The following GAS7 variants were observed in gnomAD, a reference collection of about 807,000 sequenced individuals.
The protein encoded by GAS7 is growth arrest-specific protein 7.
GAS7 carries 28 observed loss-of-function variants against 71.1 expected under a neutral mutation model. The ratio of observed to expected loss-of-function variants is 0.39; its 90% CI spans 0.29 to 0.54. GAS7 has a LOEUF of 0.54. GAS7 is among the 20% of genes least tolerant of loss of function. The pLI is 0.62. For synonymous variants in GAS7, 258 were observed against 245.8 expected (o/e 1.05, Z -0.46); for missense variants, 436 against 627.8 (o/e 0.69, Z 3.27).
Position 9,916,996 on chromosome 17 carries a change from G to A in GAS7, c.*232C>T. On this transcript the variant is annotated 3_prime_UTR_variant, in exon 14 of 14. Transcript: ENST00000432992. ...GCGGCAAGCACAGCATGGGAGTCAGGGGGTCTTCAGCCTCAGAGACAAGGG... is the reference window on the plus strand; with the variant it reads ...GCGGCAAGCACAGCATGGGAGTCAGAGGGTCTTCAGCCTCAGAGACAAGGG... The A allele has an allele frequency of 3.5e-6, 2 of 571,300 alleles. No homozygotes were observed. 35.4% of individuals were successfully genotyped at this position (571,300 alleles called of 1,614,324 possible).
chr17:10,015,868 T>C (rs2071975570), intron 2 of GAS7, among the ~76,000 whole-genome samples: 1 of 152,130 alleles, frequency 6.6e-6, no homozygotes, highest in African/African-American at 2.4e-5. Context: ...CCAGGGTCTC[T>C]CTGTGACATG....
intron 1 of GAS7, among the ~76,000 whole-genome samples, chr17:10,101,596 T>C (rs911762352): frequency 2.0e-5 from 3 of 152,182 alleles, no homozygotes; most frequent in Non-Finnish European, 4.4e-5. Flanking sequence ...GGGCTTTTCA[T>C]TCATGAGGGC....
rs532559883 is a variant in GAS7 at position 10,097,887 on chromosome 17, T to A, written c.184-77990A>T. On this transcript the variant is annotated intron_variant, in intron 1 of 13. Transcript: ENST00000432992. Reference sequence around the variant, plus strand: ...AGCGAAACCCCGTCTCTACTAAAAATATAAAAATTAGCCACAGGTGGTGGC... The same window carrying A: ...AGCGAAACCCCGTCTCTACTAAAAAAATAAAAATTAGCCACAGGTGGTGGC... 2.2e-3 allele frequency among the ~76,000 whole-genome samples: 334 copies of A among 151,952 alleles called. 2 individuals carry two copies. Among genetic ancestry groups the A allele is most frequent in the Middle Eastern group, 3.4e-3 (1 of 294 alleles).
chr17:10,050,652 T>C (rs549448653), intron 1 of GAS7, among the ~76,000 whole-genome samples: 1 of 152,282 alleles, frequency 6.6e-6, no homozygotes, highest in Admixed American at 6.5e-5. Flanking sequence ...TCTCTTCTCC[T>C]GAAGCACAAG....
intron 1 of GAS7, among the ~76,000 whole-genome samples, chr17:10,148,314 C>A (rs1304369609): frequency 6.6e-6 from 1 of 152,002 alleles, no homozygotes; most frequent in Non-Finnish European, 1.5e-5. Flanking sequence ...GGTTAAGAAT[C>A]CTCTCTCAGT....
At chr17:9,954,794 G>A (rs1489509652) in intron 5 of GAS7, among the ~76,000 whole-genome samples, 1 of 152,138 alleles carries the variant, frequency 6.6e-6, no homozygotes, top group African/African-American at 2.4e-5. Flanking sequence ...GATCAATGGT[G>A]CTGAGGCTGA....
chr17:10,145,009 G>A (rs895215690), intron 1 of GAS7, among the ~76,000 whole-genome samples: 2 of 152,234 alleles, frequency 1.3e-5, no homozygotes, highest in Admixed American at 6.5e-5. Flanking sequence ...GAGGAAGGAC[G>A]GAACAATACA....
rs910047717 is a variant in GAS7, at chr17:9,926,165, C to CT, written c.1014+475dup. On this transcript the variant is annotated intron_variant, in intron 10 of 13. Transcript: ENST00000432992. The surrounding 1 kb of genome is among the most constrained non-coding windows in gnomAD (Gnocchi z 5.0). ...GGCACTGGGGACTGGGAATCAGTCC[C>CT]TGGGGCACACTCTCTTCCCTCTAAG... 2.0e-5 allele frequency among the ~76,000 whole-genome samples: 3 copies of CT among 152,058 alleles called. No individual in the cohort carries two copies. Among genetic ancestry groups the CT allele is most frequent in the Non-Finnish European group, 4.4e-5 (3 of 68,002 alleles).
At chr17:9,929,937 A>G (rs558849920) in intron 9 of GAS7, among the ~76,000 whole-genome samples, 1 of 152,236 alleles carries the variant, frequency 6.6e-6, no homozygotes, top group African/African-American at 2.4e-5. Flanking sequence ...GTCATGGCCC[A>G]TCAGTTTTTC....
intron 1 of GAS7, among the ~76,000 whole-genome samples, chr17:10,036,238 T>C (rs2072748098): frequency 6.6e-6 from 1 of 151,826 alleles, no homozygotes; most frequent in Non-Finnish European, 1.5e-5. Context: ...TTTTTTTTTT[T>C]CCTCCCTGCT....
rs186232464 is a variant in GAS7 at position 9,911,551 on chromosome 17, C to T, written c.*5677G>A. 59 of 233,302 alleles carry T rather than the reference C, an allele frequency of 2.5e-4. No homozygotes were observed. Among genetic ancestry groups the T allele is most frequent in the African/African-American group, 9.0e-4 (41 of 45,452 alleles). 14.5% of individuals were successfully genotyped at this position (233,302 alleles called of 1,614,324 possible). A position where few individuals can be genotyped will look rare whatever the true frequency, so the allele number is the denominator to read the frequency against. ...GACAGCCATGCCCCAGCATTTAGAACGTGGGGAGAAGCGAATTGGTTTTTG... is the reference window on the plus strand; with the variant it reads ...GACAGCCATGCCCCAGCATTTAGAATGTGGGGAGAAGCGAATTGGTTTTTG... On this transcript the variant is annotated 3_prime_UTR_variant, in exon 14 of 14. Coordinates refer to ENST00000432992, the MANE Select transcript of GAS7 (RefSeq NM_201433.2). This position sits in a 1 kb window ranked among gnomAD's most constrained non-coding sequence, Gnocchi z 4.0.
At chr17:9,932,900 T>C (rs2068260334) in intron 9 of GAS7, among the ~76,000 whole-genome samples, 1 of 151,870 alleles carries the variant, frequency 6.6e-6, no homozygotes, top group African/African-American at 2.4e-5. Context: ...TGGTCGGGAG[T>C]GGTGGCTCAC....
intron 13 of GAS7, 22 bp downstream of exon 13, chr17:9,917,979 C>T (rs373878348): frequency 7.5e-5 from 118 of 1,570,778 alleles, no homozygotes; most frequent in Non-Finnish European, 1.0e-4. Flanking sequence ...CGCCCGGGAG[C>T]CCCGCTGGGC....
intron 1 of GAS7, among the ~76,000 whole-genome samples, chr17:10,114,809 GAC>G (rs1235766061): frequency 2.6e-5 from 4 of 151,692 alleles, no homozygotes; most frequent in South Asian, 4.2e-4. Flanking sequence ...CTCACTTCCC[GAC>G]ACACAGTTTC....
At chr17:10,183,734 T>C (rs919882175) in intron 1 of GAS7, among the ~76,000 whole-genome samples, 3 of 151,876 alleles carry the variant, frequency 2.0e-5, no homozygotes, top group Non-Finnish European at 4.4e-5. Flanking sequence ...CCCAGCTACT[T>C]GGGAGGCTGA....
intron 1 of GAS7, among the ~76,000 whole-genome samples, chr17:10,112,521 A>G (rs2073823027): frequency 6.6e-6 from 1 of 152,146 alleles, no homozygotes. Flanking sequence ...GGATCACCTG[A>G]GGTGAGGAGT....
chr17:10,022,905 G>C (rs893763087), intron 1 of GAS7, among the ~76,000 whole-genome samples: 3 of 152,218 alleles, frequency 2.0e-5, no homozygotes, highest in Non-Finnish European at 4.4e-5. Flanking sequence ...GTGCGTTCTG[G>C]TGAGAGGGCT....
intron 1 of GAS7, among the ~76,000 whole-genome samples, chr17:10,174,160 G>A (rs534246822): frequency 6.6e-6 from 1 of 152,166 alleles, no homozygotes; most frequent in Admixed American, 6.5e-5. Context: ...GGGTGACAAC[G>A]TTCAAACTCA....
At chr17:10,111,529 T>G in intron 1 of GAS7, among the ~76,000 whole-genome samples, 1 of 141,546 alleles carries the variant, frequency 7.1e-6, no homozygotes. Flanking sequence ...TGAGACTCTG[T>G]CTCAAAAAAA....
Sources: gnomAD v4.1 joint callset for allele counts (sites outside exome capture counted in the v4.1 genomes callset) on GRCh38, gnomAD v4.1.1 for gene constraint, Gnocchi (gnomAD v3.1) non-coding constraint, MANE v1.5 for transcripts, NCBI Gene and HGNC (gene_info 2026-07-23, HGNC 2026-07-21) for gene names.